GGNBP2: variants seen among roughly 807,000 people sequenced by gnomAD.
GGNBP2 encodes gametogenetin-binding protein 2.
In GGNBP2, 10 loss-of-function variants were observed where a neutral mutation model predicts 85.9. That is an observed-to-expected ratio of 0.12 (90% CI 0.07 to 0.20). The LOEUF is 0.20. GGNBP2 is among the 10% of genes least tolerant of loss of function. GGNBP2 has a pLI of 1.00. For missense variants in GGNBP2, 595 were observed against 857.8 expected (o/e 0.69, Z 3.83); for synonymous variants, 287 against 285.7 (o/e 1.00, Z -0.05).
chr17:36,559,717 C>T (rs2074398828), intron 4 of GGNBP2, among the ~76,000 whole-genome samples: 1 of 152,108 alleles, frequency 6.6e-6, no homozygotes, highest in South Asian at 2.1e-4. Flanking sequence ...ATTTAGGAGG[C>T]CAGCTATTGC....
intron 2 of GGNBP2, chr17:36,546,018 C>T: frequency 1.9e-6 from 1 of 534,258 alleles, no homozygotes; most frequent in South Asian, 2.5e-5. Context: ...CCCAGAGCTC[C>T]GTACGCACTC....
intron 10 of GGNBP2, 144 bp from the exon 11 acceptor site, chr17:36,585,696 A>T: frequency 5.5e-6 from 3 of 549,114 alleles, no homozygotes; most frequent in Non-Finnish European, 8.7e-6. Context: ...CTTTCTACTT[A>T]AAAAAAAAAT....
At chr17:36,586,759 C>T (rs979928029) in intron 12 of GGNBP2, 21 of 411,036 alleles carry the variant, frequency 5.1e-5, no homozygotes, top group Non-Finnish European at 7.1e-5. Flanking sequence ...GCTGGGATTA[C>T]AGGCGCATGC....
chr17:36,554,310 A>C (rs1265747012), intron 2 of GGNBP2, among the ~76,000 whole-genome samples: 6 of 73,354 alleles, frequency 8.2e-5, no homozygotes, highest in Non-Finnish European at 1.7e-4. Flanking sequence ...CTCCGTCTCA[A>C]AAAAAAAAAA....
rs140695829 is a variant in GGNBP2 at position 36,585,854 on chromosome 17, T to C, written c.1381T>C (p.Cys461Arg). The part of the protein sequence containing the change: ...PKIKKGLSPH[C>R]NGSDCGYSSS... ...TTTATTCTCAGGCTTATCTCCACAC[T>C]GTAATGGTAGTGATTGTGGATATTC... is the stretch of plus-strand genomic sequence containing the variant. Residue 461 changes from cysteine to arginine, a missense_variant, in exon 11 of 14, where the codon TGT (cysteine) becomes CGT (arginine). Cys to Arg is a radical substitution (Grantham distance 180). Transcript: ENST00000613102. 1.2e-6 allele frequency: 2 copies of C among 1,613,504 alleles called. No individual in the cohort carries two copies. The highest frequency in any genetic ancestry group is 1.3e-5 in the African/African-American group (1 of 74,912).
chr17:36,551,649 GC>G (rs2074309832), intron 2 of GGNBP2, among the ~76,000 whole-genome samples: 1 of 151,802 alleles, frequency 6.6e-6, no homozygotes, highest in Admixed American at 6.6e-5. Flanking sequence ...TTCAGGACCA[GC>G]CTGGCCAACA....
chr17:36,580,216 T>TC (rs1441558948), intron 8 of GGNBP2, among the ~76,000 whole-genome samples: 1 of 150,832 alleles, frequency 6.6e-6, no homozygotes, highest in Non-Finnish European at 1.5e-5. Flanking sequence ...TCTTTTCTTT[T>TC]TTTTTTTTTG....
chr17:36,553,053 G>A (rs1396576351), intron 2 of GGNBP2, among the ~76,000 whole-genome samples: 1 of 146,950 alleles, frequency 6.8e-6, no homozygotes, highest in African/African-American at 2.5e-5. Context: ...CTATTGAAAT[G>A]GAAGCATGTC....
intron 12 of GGNBP2, chr17:36,586,546 T>A: frequency 1.0e-5 from 3 of 286,584 alleles, no homozygotes; most frequent in Non-Finnish European, 2.0e-5. Context: ...GTCTAGTACA[T>A]AGTAAGTGCC....
chr17:36,550,883 A>G (rs1317923970), intron 2 of GGNBP2, among the ~76,000 whole-genome samples: 1 of 152,220 alleles, frequency 6.6e-6, no homozygotes, highest in East Asian at 1.9e-4. Context: ...AATGAAGAAC[A>G]AATTGTGCTA....
chr17:36,577,955 T>C (rs769074525), intron 6 of GGNBP2, 28 bp from the exon 7 acceptor site: 8 of 1,572,278 alleles, frequency 5.1e-6, no homozygotes, highest in Non-Finnish European at 8.7e-7. Context: ...CAGCCATTTC[T>C]TAATTTTAAG....
chr17:36,569,668 T>C (rs1367164364), intron 6 of GGNBP2, among the ~76,000 whole-genome samples: 1 of 152,236 alleles, frequency 6.6e-6, no homozygotes, highest in African/African-American at 2.4e-5. Context: ...AAAAACTTTC[T>C]TTCTTTGCCT....
chr17:36,554,351 AATTT>A lies in GGNBP2; in HGVS notation c.94-468_94-465del, dbSNP rs1567818273. Among the ~76,000 whole-genome samples, 69 of 102,640 alleles carry A rather than the reference AATTT, an allele frequency of 6.7e-4. 1 individual carries two copies. Among genetic ancestry groups the A allele is most frequent in the African/African-American group, 2.5e-3 (66 of 25,910 alleles). 67.3% of individuals were successfully genotyped at this position (102,640 alleles called of 152,430 possible). On this transcript the variant is annotated intron_variant, in intron 2 of 13. Transcript: ENST00000613102. ...AATGGAAACTTGTCTTATGTACTTGAATTTTTTTTTTTTTTTTTTTTTTTTTTTT... is the reference window on the plus strand; with the variant it reads ...AATGGAAACTTGTCTTATGTACTTGATTTTTTTTTTTTTTTTTTTTTTTTT...
chr17:36,575,844 A>T (rs1055456046), intron 6 of GGNBP2, among the ~76,000 whole-genome samples: 1 of 149,168 alleles, frequency 6.7e-6, no homozygotes, highest in Non-Finnish European at 1.5e-5. Flanking sequence ...ACGGGGTTTC[A>T]CCATGTTGGC....
At chr17:36,565,027 T>G (rs893055360) in intron 5 of GGNBP2, among the ~76,000 whole-genome samples, 1 of 152,048 alleles carries the variant, frequency 6.6e-6, no homozygotes, top group African/African-American at 2.4e-5. Context: ...GTAAAAGAAT[T>G]CTGAGGAATT....
intron 8 of GGNBP2, among the ~76,000 whole-genome samples, chr17:36,579,730 G>A (rs113133531): frequency 4.7e-4 from 72 of 152,324 alleles, no homozygotes; most frequent in Non-Finnish European, 9.0e-4. Context: ...AACTAGTGAG[G>A]CTGGGCATGG....
chr17:36,572,662 C>T (rs1181308678), intron 6 of GGNBP2, among the ~76,000 whole-genome samples: 1 of 152,022 alleles, frequency 6.6e-6, no homozygotes, highest in Non-Finnish European at 1.5e-5. Context: ...CCACTGCACT[C>T]CAGCCTGGGC....
chr17:36,550,568 C>T (rs2142681670), intron 2 of GGNBP2, among the ~76,000 whole-genome samples: 1 of 152,264 alleles, frequency 6.6e-6, no homozygotes, highest in Middle Eastern at 3.4e-3. Flanking sequence ...TTAATAAATG[C>T]AAACTTAGTA....
chr17:36,589,127 T>C, intron 13 of GGNBP2, 81 bp from the exon 14 acceptor site: 1 of 974,732 alleles, frequency 1.0e-6, no homozygotes. Context: ...GTTAGACTGG[T>C]TTAATTTTTA....
Sources: gnomAD v4.1 joint callset for allele counts (sites outside exome capture counted in the v4.1 genomes callset) on GRCh38, gnomAD v4.1.1 for gene constraint, MANE v1.5 for transcripts, NCBI Gene and HGNC (gene_info 2026-07-23, HGNC 2026-07-21) for gene names.